Variants in HUNK observed in about 807,000 individuals in gnomAD.
HUNK encodes the protein hormonally up-regulated neu tumor-associated kinase.
A neutral mutation model predicts 61.0 loss-of-function variants in HUNK; 21 were observed. The ratio of observed to expected loss-of-function variants is 0.34; its 90% CI spans 0.24 to 0.50. HUNK has a LOEUF of 0.50. HUNK is among the 20% of genes least tolerant of loss of function. HUNK has a pLI of 0.98. For missense variants in HUNK, 772 were observed against 945.7 expected (o/e 0.82, Z 2.41); for synonymous variants, 371 against 386.1 (o/e 0.96, Z 0.46).
intron 7 of HUNK, among the ~76,000 whole-genome samples, chr21:31,980,696 C>T (rs1276256584): frequency 6.6e-6 from 1 of 151,162 alleles, no homozygotes; most frequent in East Asian, 2.0e-4. Context: ...CATGCCCGGC[C>T]TGGGCCTAAG....
chr21:32,002,943 C>T lies in HUNK; in HGVS notation c.*3759C>T, dbSNP rs993071277. 1 of 152,118 alleles carries T rather than the reference C, an allele frequency of 6.6e-6. No individual in the cohort carries two copies. Among genetic ancestry groups the T allele is most frequent in the Non-Finnish European group, 1.5e-5 (1 of 68,014 alleles). The allele number at this position is 152,118 out of a possible 1,614,324, so 9.4% of individuals were successfully genotyped here. A position where few individuals can be genotyped will look rare whatever the true frequency, so the allele number is the denominator to read the frequency against. On this transcript the variant is annotated 3_prime_UTR_variant, in exon 11 of 11. Transcript: ENST00000270112. The stretch of plus-strand genomic sequence containing the variant: ...TGACAATGTTTTCTTGTAAGAATCC[C>T]AACACTTTAGAATAGAAAAGGACCT...
intron 1 of HUNK, among the ~76,000 whole-genome samples, chr21:31,900,196 G>T (rs1362781090): frequency 6.6e-6 from 1 of 151,976 alleles, no homozygotes; most frequent in East Asian, 1.9e-4. Flanking sequence ...GCCTAGAAAT[G>T]AACTCTAATG....
In HUNK at chr21:31,935,385, A is replaced by G. The variant is rs113085794; in HGVS notation, c.555-4780A>G. On this transcript the variant is annotated intron_variant, in intron 2 of 10. Coordinates refer to ENST00000270112, the MANE Select transcript of HUNK (RefSeq NM_014586.2). ...GTGTTCCCCTGGCACATTTGTTACA[A>G]TGGATGAACCAGCATGGATACAGTC... 1.2e-3 allele frequency among the ~76,000 whole-genome samples: 179 copies of G among 152,314 alleles called. 3 individuals carry two copies. Among genetic ancestry groups the G allele is most frequent in the African/African-American group, 3.9e-3 (162 of 41,572 alleles).
In HUNK at chr21:31,962,146, T is replaced by C. The variant is rs1455437556; in HGVS notation, c.874+3176T>C. Among the ~76,000 whole-genome samples the C allele has an allele frequency of 2.6e-5, 4 of 152,192 alleles. No homozygotes were observed. The East Asian group carries it at 5.8e-4, about 22-fold the overall frequency. The stretch of plus-strand genomic sequence containing the variant: ...TTAAATCTTCCACCAATCTTCCAGT[T>C]GTAAGTGGAAGCTTTCTAAAACATG... On this transcript the variant is annotated intron_variant, in intron 5 of 10. Coordinates refer to ENST00000270112, the MANE Select transcript of HUNK (RefSeq NM_014586.2).
rs2053236698 is a variant in HUNK at position 32,000,182 on chromosome 21, A to G, written c.*998A>G. On this transcript the variant is annotated 3_prime_UTR_variant, in exon 11 of 11. Transcript: ENST00000270112. The stretch of plus-strand genomic sequence containing the variant: ...TGTGACAATTCAGAGCATAACTCAG[A>G]TGGCGAGAAGGCAGCATTATCTCTG... The G allele has an allele frequency of 2.5e-6, 1 of 398,960 alleles. No individual in the cohort carries two copies. Among genetic ancestry groups the G allele is most frequent in the African/African-American group, 2.1e-5 (1 of 48,650 alleles). The allele number at this position is 398,960 out of a possible 1,614,324, so 24.7% of individuals were successfully genotyped here.
intron 6 of HUNK, 103 bp from the exon 7 acceptor site, chr21:31,974,452 G>A: frequency 2.7e-6 from 3 of 1,092,114 alleles, no homozygotes; most frequent in Non-Finnish European, 3.8e-6. Flanking sequence ...TCAAGTCAGT[G>A]AATGAATGAG....
chr21:31,880,306 A>G (rs1348072711), intron 1 of HUNK, among the ~76,000 whole-genome samples: 1 of 152,194 alleles, frequency 6.6e-6, no homozygotes, highest in Non-Finnish European at 1.5e-5. Flanking sequence ...TGAGTTTGCT[A>G]GGATGGTTCT....
intron 5 of HUNK, among the ~76,000 whole-genome samples, chr21:31,963,710 A>G (rs1444692767): frequency 6.6e-6 from 1 of 152,076 alleles, no homozygotes; most frequent in South Asian, 2.1e-4. Context: ...GGGTCTCCCT[A>G]TGTTGCTCAA....
chr21:31,912,408 C>T (rs73900714), intron 1 of HUNK, among the ~76,000 whole-genome samples: 4,161 of 151,988 alleles, frequency 0.027, 210 homozygotes, highest in African/African-American at 0.095. Context: ...CTTGTGGTGA[C>T]GAAGGAAAAC....
At chr21:31,939,553 C>T (rs978828936) in intron 2 of HUNK, among the ~76,000 whole-genome samples, 1 of 151,734 alleles carries the variant, frequency 6.6e-6, no homozygotes, top group African/African-American at 2.4e-5. Context: ...GAATTACAGG[C>T]ATGCGCCGCC....
In HUNK at chr21:31,990,141, A is replaced by G. The variant is rs2053161974; in HGVS notation, c.1270A>G (p.Thr424Ala). 6.2e-7 allele frequency: 1 copy of G among 1,613,914 alleles called. No homozygotes were observed. Among genetic ancestry groups the G allele is most frequent in the Admixed American group, 1.7e-5 (1 of 59,994 alleles). Residue 424 changes from threonine (T) to alanine (A), a missense_variant, in exon 9 of 11, where the codon ACC (threonine) becomes GCC (alanine). By Grantham distance (58) the Thr-to-Ala change is moderately conservative (BLOSUM62 0). Coordinates refer to ENST00000270112, the MANE Select transcript of HUNK (RefSeq NM_014586.2). ...TTCCTTTTCACAGGCCTCTCTGGACACCTGGACACGAGATCTTGAATTCCA... is the reference window on the plus strand; with the variant it reads ...TTCCTTTTCACAGGCCTCTCTGGACGCCTGGACACGAGATCTTGAATTCCA... ...PKESYEASLD[T>A]WTRDLEFHAV...
intron 7 of HUNK, among the ~76,000 whole-genome samples, chr21:31,981,577 CT>C (rs1347260105): frequency 2.0e-5 from 3 of 151,986 alleles, no homozygotes; most frequent in African/African-American, 4.8e-5. Context: ...CTTTCACTTC[CT>C]TGGTTACATT....
At chr21:31,921,076 C>T (rs564252230) in intron 1 of HUNK, among the ~76,000 whole-genome samples, 3 of 143,742 alleles carry the variant, frequency 2.1e-5, no homozygotes, top group Admixed American at 7.4e-5. Flanking sequence ...TGCTTGAACC[C>T]GGGAGGCAGA....
intron 5 of HUNK, among the ~76,000 whole-genome samples, chr21:31,963,691 A>G (rs993471405): frequency 2.6e-5 from 4 of 151,998 alleles, no homozygotes; most frequent in Middle Eastern, 3.4e-3. Flanking sequence ...TATATTTTTT[A>G]TAGAGAGAGG....
intron 4 of HUNK, among the ~76,000 whole-genome samples, chr21:31,955,688 T>A (rs2052885090): frequency 6.6e-6 from 1 of 152,276 alleles, no homozygotes; most frequent in Non-Finnish European, 1.5e-5. Context: ...CCTCTGGTTA[T>A]GCTTTGTGAA....
chr21:31,939,719 T>TG (rs202211980), intron 2 of HUNK, among the ~76,000 whole-genome samples: 3 of 99,422 alleles, frequency 3.0e-5, no homozygotes, highest in African/African-American at 6.9e-5. Context: ...CATGTGTTGT[T>TG]TTTTTTTTTT....
chr21:31,890,494 T>G (rs1296052014), intron 1 of HUNK, among the ~76,000 whole-genome samples: 1 of 152,212 alleles, frequency 6.6e-6, no homozygotes, highest in Non-Finnish European at 1.5e-5. Context: ...CCTCCCAAAG[T>G]GCTGGGATTA....
chr21:31,924,648 C>G lies in HUNK; in HGVS notation c.442C>G (p.Leu148Val). Residue 148 changes from leucine to valine, a missense_variant, in exon 2 of 11, where the codon CTG (leucine) becomes GTG (valine). By Grantham distance (32) the Leu-to-Val change is conservative. Around this residue, in one of 2 missense-constraint regions of HUNK, gnomAD observed 359 missense variants for 501.3 expected, o/e 0.72. Coordinates refer to ENST00000270112, the MANE Select transcript of HUNK (RefSeq NM_014586.2). This position sits in a 1 kb window ranked among gnomAD's most constrained non-coding sequence, Gnocchi z 5.1. ...LVMELCPGGN[L>V]MHKIYEKKRL... ...CATGGAGCTGTGCCCTGGGGGCAAC[C>G]TGATGCACAAGATCTATGAGAAGAA... 6.2e-7 allele frequency: 1 copy of G among 1,614,166 alleles called. No individual in the cohort carries two copies. The highest frequency in any genetic ancestry group is 8.5e-7 in the Non-Finnish European group (1 of 1,180,018).
chr21:31,916,700 G>A (rs2052585412), intron 1 of HUNK, among the ~76,000 whole-genome samples: 1 of 148,762 alleles, frequency 6.7e-6, no homozygotes, highest in South Asian at 2.1e-4. Flanking sequence ...TTTCTGAGAT[G>A]GAGTCTTGCT....
Sources: allele counts gnomAD v4.1 joint callset (sites outside exome capture counted in the v4.1 genomes callset), GRCh38; gene constraint gnomAD v4.1.1; regional missense constraint gnomAD v4.1.1; non-coding constraint Gnocchi (gnomAD v3.1); transcripts MANE v1.5; gene names NCBI Gene and HGNC (gene_info 2026-07-23, HGNC 2026-07-21).